Variants in SGPP2 observed in about 807,000 individuals in gnomAD.
The protein encoded by SGPP2 is sphingosine 1-phosphate phosphohydrolase 2.
In SGPP2, 30 loss-of-function variants were observed where a neutral mutation model predicts 33.9. The ratio of observed to expected loss-of-function variants is 0.89; its 90% CI spans 0.66 to 1.20. The LOEUF is 1.20. Ranked by LOEUF, SGPP2 falls within the 50% of genes most tolerant of loss-of-function variation. SGPP2 has a pLI of 0.00. For missense variants in SGPP2, 458 were observed against 532.1 expected (o/e 0.86, Z 1.37); for synonymous variants, 233 against 225.0 (o/e 1.04, Z -0.32).
intron 2 of SGPP2, among the ~76,000 whole-genome samples, chr2:222,493,990 T>G (rs143966486): frequency 1.3e-5 from 2 of 152,352 alleles, no homozygotes; most frequent in African/African-American, 4.8e-5. Flanking sequence ...TGTTTTAATC[T>G]TTATAAAAGA....
Position 222,433,275 on chromosome 2 carries a change from G to A in SGPP2, c.219+8454G>A, listed in dbSNP as rs750347028. 1.4e-4 allele frequency among the ~76,000 whole-genome samples: 21 copies of A among 152,232 alleles called. 1 individual carries two copies. In the Middle Eastern group the frequency reaches 0.014, roughly 99 times the overall value. On this transcript the variant is annotated intron_variant, in intron 1 of 4. Coordinates refer to ENST00000321276, the MANE Select transcript of SGPP2 (RefSeq NM_152386.4). ...CCTTAGGAAAGAAGCTGGCTGTGTG[G>A]CTGCTGCAGTTTTCTTAGTTCTTGA...
intron 2 of SGPP2, among the ~76,000 whole-genome samples, chr2:222,501,447 A>G (rs907054079): frequency 6.6e-6 from 1 of 152,148 alleles, no homozygotes; most frequent in African/African-American, 2.4e-5. Context: ...AGGTTCTCAA[A>G]CCTCAAAAGC....
At chr2:222,527,896 G>T (rs1401104557) in intron 4 of SGPP2, among the ~76,000 whole-genome samples, 2 of 152,158 alleles carry the variant, frequency 1.3e-5, no homozygotes, top group East Asian at 3.8e-4. Flanking sequence ...AGCTCCTACA[G>T]GCCCCTGGAC....
Position 222,559,011 on chromosome 2 carries a change from CG to C in SGPP2, c.*115del. 9.8e-7 allele frequency: 1 copy of C among 1,020,080 alleles called. No individual in the cohort carries two copies. Among genetic ancestry groups the C allele is most frequent in the Non-Finnish European group, 1.4e-6 (1 of 703,342 alleles). 63.2% of individuals were successfully genotyped at this position (1,020,080 alleles called of 1,614,324 possible). ...TCTTTAACAACAACAAAAAGTCATACGGCTGTCTTGCTACTACCAGATAAAT... is the reference window on the plus strand; with the variant it reads ...TCTTTAACAACAACAAAAAGTCATACGCTGTCTTGCTACTACCAGATAAAT... On this transcript the variant is annotated 3_prime_UTR_variant, in exon 5 of 5. Coordinates refer to ENST00000321276, the MANE Select transcript of SGPP2 (RefSeq NM_152386.4).
chr2:222,534,597 T>C (rs1341986808), intron 4 of SGPP2, among the ~76,000 whole-genome samples: 2 of 152,228 alleles, frequency 1.3e-5, no homozygotes, highest in African/African-American at 4.8e-5. Context: ...TTTTTTCATG[T>C]TGTTTAAAAA....
Position 222,558,509 on chromosome 2 carries a change from A to T in SGPP2, c.811A>T (p.Ser271Cys). ...CYNYPVSDYY[S>C]PTRADTTTIL... ...CAATTACCCTGTTTCTGATTACTAC[A>T]GCCCAACCCGGGCGGACACCACCAC... The change falls in exon 5 of 5, where the codon AGC becomes TGC. Residue 271 changes from serine (S) to cysteine (C), a missense_variant. By Grantham distance (112) the Ser-to-Cys change is moderately radical. Coordinates refer to ENST00000321276, the MANE Select transcript of SGPP2 (RefSeq NM_152386.4). 6.2e-7 allele frequency: 1 copy of T among 1,614,158 alleles called. No individual in the cohort carries two copies. Among genetic ancestry groups the T allele is most frequent in the Non-Finnish European group, 8.5e-7 (1 of 1,180,014 alleles).
chr2:222,492,887 A>G (rs1475936382), intron 2 of SGPP2, among the ~76,000 whole-genome samples: 1 of 152,238 alleles, frequency 6.6e-6, no homozygotes, highest in Non-Finnish European at 1.5e-5. Flanking sequence ...GCATAGCTAG[A>G]GTGACCTTTG....
Position 222,505,046 on chromosome 2 carries a change from A to C in SGPP2, c.379-16721A>C, listed in dbSNP as rs1698424311. On this transcript the variant is annotated intron_variant, in intron 2 of 4. Transcript: ENST00000321276. ...TGAATTTCAGATAGCAAGTAACATG[A>C]GTTTTGATAGCAAAGAATTTATACA... 2.0e-5 allele frequency among the ~76,000 whole-genome samples: 3 copies of C among 152,252 alleles called. No homozygotes were observed. In the South Asian group the frequency reaches 6.2e-4, roughly 31 times the overall value.
At chr2:222,501,773 A>G (rs546912096) in intron 2 of SGPP2, among the ~76,000 whole-genome samples, 24 of 152,340 alleles carry the variant, frequency 1.6e-4, no homozygotes, top group African/African-American at 4.8e-4. Flanking sequence ...TTTAATATCT[A>G]TGCTTTTTTC....
At chr2:222,478,267 T>TGTG (rs1697979005) in intron 2 of SGPP2, among the ~76,000 whole-genome samples, 9 of 141,488 alleles carry the variant, frequency 6.4e-5, no homozygotes, top group African/African-American at 2.4e-4. Context: ...GTGCATGCAT[T>TGTG]TGTGTGTGTG....
intron 1 of SGPP2, among the ~76,000 whole-genome samples, chr2:222,445,597 C>T (rs562494344): frequency 2.6e-5 from 4 of 152,206 alleles, no homozygotes; most frequent in South Asian, 4.2e-4. Context: ...AGGATGACCC[C>T]GTCTAATGCT....
At chr2:222,480,329 C>T (rs1698010232) in intron 2 of SGPP2, among the ~76,000 whole-genome samples, 1 of 152,178 alleles carries the variant, frequency 6.6e-6, no homozygotes, top group Admixed American at 6.5e-5. Context: ...GTTTGGAAGC[C>T]TCATTTTCTC....
rs1432720098 is a variant in SGPP2, at chr2:222,459,047, C to T, written c.220-15521C>T. Among the ~76,000 whole-genome samples, 4 of 151,882 alleles carry T rather than the reference C, an allele frequency of 2.6e-5. No individual in the cohort carries two copies. In the South Asian group the frequency reaches 6.2e-4, roughly 24 times the overall value. ...TGGTTAAAATTCCCACTGATTCAGC[C>T]AGTCTTGGGTAGGGCCTGAAATTCT... On this transcript the variant is annotated intron_variant, in intron 1 of 4. Coordinates refer to ENST00000321276, the MANE Select transcript of SGPP2 (RefSeq NM_152386.4).
chr2:222,425,156 G>A (rs1336311733), intron 1 of SGPP2, among the ~76,000 whole-genome samples: 1 of 152,220 alleles, frequency 6.6e-6, no homozygotes, highest in African/African-American at 2.4e-5. Context: ...GAGCGGGGAT[G>A]TCCTTGGCAC....
intron 1 of SGPP2, among the ~76,000 whole-genome samples, chr2:222,468,481 C>T (rs1334386823): frequency 2.6e-5 from 4 of 152,078 alleles, no homozygotes; most frequent in Non-Finnish European, 5.9e-5. Flanking sequence ...CTCAGAAAGG[C>T]AAATTGACTT....
chr2:222,482,672 C>T (rs904012741), intron 2 of SGPP2, among the ~76,000 whole-genome samples: 1 of 152,222 alleles, frequency 6.6e-6, no homozygotes, highest in Non-Finnish European at 1.5e-5. Context: ...GGTCACCCCT[C>T]AACTGTCTTT....
At chr2:222,508,810 C>G (rs1698482973) in intron 2 of SGPP2, among the ~76,000 whole-genome samples, 1 of 152,064 alleles carries the variant, frequency 6.6e-6, no homozygotes, top group African/African-American at 2.4e-5. Context: ...TGCTGATTAT[C>G]TTCTATGATT....
intron 4 of SGPP2, 42 bp from the exon 5 acceptor site, chr2:222,558,305 A>T: frequency 6.3e-7 from 1 of 1,592,822 alleles, no homozygotes; most frequent in Non-Finnish European, 8.6e-7. Context: ...ATACAAGGAA[A>T]CACTCATTGG....
At chr2:222,427,763 CT>C (rs1697094533) in intron 1 of SGPP2, among the ~76,000 whole-genome samples, 1 of 152,092 alleles carries the variant, frequency 6.6e-6, no homozygotes, top group Admixed American at 6.5e-5. Flanking sequence ...TTCACATTGT[CT>C]ATATTTGTTT....
Sources: gnomAD v4.1 joint callset for allele counts (sites outside exome capture counted in the v4.1 genomes callset) on GRCh38, gnomAD v4.1.1 for gene constraint, MANE v1.5 for transcripts, NCBI Gene and HGNC (gene_info 2026-07-23, HGNC 2026-07-21) for gene names.